The following AAGAB variants were observed in gnomAD, a reference collection of about 807,000 sequenced individuals.
AAGAB encodes the protein alpha and gamma adaptin binding protein.
A neutral mutation model predicts 44.1 loss-of-function variants in AAGAB; 38 were observed. The observed-to-expected ratio is 0.86, with a 90% CI of 0.67 to 1.13. The LOEUF is 1.13. AAGAB is among the 50% of genes most tolerant of loss of function. The probability of loss-of-function intolerance (pLI) is 0.00; values close to 1 mark genes in which losing one functional copy is unlikely to be tolerated. For synonymous variants in AAGAB, 131 were observed against 131.8 expected (o/e 0.99, Z 0.04); for missense variants, 450 against 373.8 (o/e 1.20, Z -1.68).
At chr15:67,214,243 T>G (rs1391667978) in intron 5 of AAGAB, among the ~76,000 whole-genome samples, 1 of 152,232 alleles carries the variant, frequency 6.6e-6, no homozygotes. Context: ...GACTGTGATT[T>G]TCACTGAAGT....
In AAGAB at chr15:67,254,637, C is replaced by T. The variant is rs753539938; in HGVS notation, c.-6G>A. 46 of 1,585,518 alleles carry T rather than the reference C, an allele frequency of 2.9e-5. No individual in the cohort carries two copies. The highest frequency in any genetic ancestry group is 2.1e-4 in the Middle Eastern group (1 of 4,808). On this transcript the variant is annotated 5_prime_UTR_variant, in exon 1 of 10. Transcript: ENST00000261880. ...CAGGGTACGCCAGCAGCCATAGCTG[C>T]GCTCGCGAGCCGGTTCCGTCAGGCA...
intron 1 of AAGAB, among the ~76,000 whole-genome samples, chr15:67,242,283 C>T (rs1184816140): frequency 3.0e-5 from 4 of 132,046 alleles, no homozygotes; most frequent in Non-Finnish European, 4.9e-5. Context: ...ATTAGCCGGG[C>T]GCGGTGGCGG....
At chr15:67,222,242 G>GCACACACACACACACACACACACACACA (rs370826027) in intron 5 of AAGAB, among the ~76,000 whole-genome samples, 4 of 90,044 alleles carry the variant, frequency 4.4e-5, no homozygotes, top group Non-Finnish European at 6.9e-5. Flanking sequence ...GCGCGCGCGC[G>GCACACACACACACACACACACACACACA]CACACACACA....
rs1046128547 is a variant in AAGAB at position 67,204,045 on chromosome 15, T to C, written c.819A>G (p.Lys273=). The change falls in exon 8 of 10, where the codon AAA becomes AAG. Residue 273 remains lysine (K), a splice_region_variant and synonymous_variant. Coordinates refer to ENST00000261880, the MANE Select transcript of AAGAB (RefSeq NM_024666.5). Reference sequence around the variant, plus strand: ...ATTAGACACAATGGATCTGATTACCTTTCATTTCCTTTAACTTTGAAAAGA... The same window carrying C: ...ATTAGACACAATGGATCTGATTACCCTTCATTTCCTTTAACTTTGAAAAGA... ...ERLFSKLKEM[K]DKAATLPHEQ... 6.3e-7 allele frequency: 1 copy of C among 1,577,468 alleles called. No individual in the cohort carries two copies. The highest frequency in any genetic ancestry group is 2.2e-5 in the East Asian group (1 of 44,680).
In AAGAB at chr15:67,203,577, G is replaced by A. The variant is rs1963617312; in HGVS notation, c.841C>T (p.His281Tyr). ...EMKDKAATLP[H>Y]EQRKVHAEKV... is the part of the protein sequence containing the mutation. The stretch of plus-strand genomic sequence containing the variant: ...TCTGCATGCACTTTTCTTTGCTCAT[G>A]AGGAAGCGTCGCAGCCTTGTCTAGG... The change falls in exon 9 of 10, where the codon CAT becomes TAT. Residue 281 changes from histidine to tyrosine, a missense_variant. Physicochemically the swap from His to Tyr is moderately conservative, Grantham distance 83. Transcript: ENST00000261880. 1 of 1,613,562 alleles carries A rather than the reference G, an allele frequency of 6.2e-7. No homozygotes were observed. The highest frequency in any genetic ancestry group is 1.7e-5 in the Admixed American group (1 of 60,000).
At chr15:67,247,099 A>G (rs2140396481) in intron 1 of AAGAB, among the ~76,000 whole-genome samples, 1 of 152,190 alleles carries the variant, frequency 6.6e-6, no homozygotes, top group Admixed American at 6.5e-5. Flanking sequence ...AGGAACAAAC[A>G]ACTCCGGACA....
intron 1 of AAGAB, 41 bp downstream of exon 1, chr15:67,254,518 T>C (rs1469482160): frequency 6.4e-7 from 1 of 1,566,512 alleles, no homozygotes; most frequent in Non-Finnish European, 8.7e-7. Context: ...CCGCTGAGGC[T>C]CAGGGGCCTT....
At chr15:67,213,778 G>C (rs1013705173) in intron 5 of AAGAB, among the ~76,000 whole-genome samples, 1 of 152,156 alleles carries the variant, frequency 6.6e-6, no homozygotes, top group Non-Finnish European at 1.5e-5. Context: ...GTTAGTAATA[G>C]ATAACATTTA....
intron 1 of AAGAB, among the ~76,000 whole-genome samples, chr15:67,253,767 AAAG>A (rs1964969937): frequency 6.6e-6 from 1 of 151,828 alleles, no homozygotes; most frequent in African/African-American, 2.4e-5. Flanking sequence ...AAAAAAAAAA[AAAG>A]AAAAGAAGGA....
chr15:67,223,892 T>C (rs1203570989), intron 5 of AAGAB, among the ~76,000 whole-genome samples: 1 of 152,248 alleles, frequency 6.6e-6, no homozygotes, highest in Non-Finnish European at 1.5e-5. Flanking sequence ...GCCTTTGCTA[T>C]AGCTGTTCCC....
chr15:67,232,531 A>C (rs540467444), intron 4 of AAGAB: 125 of 381,862 alleles, frequency 3.3e-4, no homozygotes, highest in Non-Finnish European at 5.5e-4. Flanking sequence ...GATGTCCTTC[A>C]CCCCGGGAAG....
At position 67,235,972 on chromosome 15, in the gene AAGAB, CACTT is replaced by C. The variant is rs748785284; in HGVS notation, c.451+3_451+6del. 20 of 1,589,086 alleles carry C rather than the reference CACTT, an allele frequency of 1.3e-5. No individual in the cohort carries two copies. Among genetic ancestry groups the C allele is most frequent in the Admixed American group, 1.7e-5 (1 of 58,644 alleles). On this transcript the variant is annotated splice_donor_5th_base_variant and intron_variant, in intron 4 of 9. Transcript: ENST00000261880. ...GCCATATTTTCTCCTAACACATAAA[CACTT>C]ACCATCCTCCTCAGGCAACTCCTCT... is the stretch of plus-strand genomic sequence containing the variant.
chr15:67,216,224 A>T (rs1963941271), intron 5 of AAGAB, among the ~76,000 whole-genome samples: 1 of 152,034 alleles, frequency 6.6e-6, no homozygotes, highest in Admixed American at 6.6e-5. Flanking sequence ...CAGGAGGATC[A>T]CGAGGCCAAG....
Position 67,202,525 on chromosome 15 carries a change from T to C in AAGAB, c.*296A>G. ...GCCTGGAGGTTGTCTTCAACTTGAG[T>C]AAATCACACAGACCTCTGAGATTTA... On this transcript the variant is annotated 3_prime_UTR_variant, in exon 10 of 10. Transcript: ENST00000261880. The C allele has an allele frequency of 3.1e-6, 1 of 319,984 alleles. No individual in the cohort carries two copies. The highest frequency in any genetic ancestry group is 5.8e-6 in the Non-Finnish European group (1 of 172,832). The allele number at this position is 319,984 out of a possible 1,614,324, so 19.8% of individuals were successfully genotyped here. A position where few individuals can be genotyped will look rare whatever the true frequency, so the allele number is the denominator to read the frequency against.
chr15:67,217,772 G>A (rs1209418393), intron 5 of AAGAB, among the ~76,000 whole-genome samples: 6 of 152,050 alleles, frequency 3.9e-5, no homozygotes, highest in Non-Finnish European at 7.4e-5. Flanking sequence ...TCCTGACCTC[G>A]TGATCCACCC....
intron 8 of AAGAB, 59 bp downstream of exon 8, chr15:67,203,985 C>G (rs564451900): frequency 9.6e-7 from 1 of 1,041,254 alleles, no homozygotes; most frequent in South Asian, 1.5e-5. Context: ...TAAAATGCTA[C>G]TACGTAAAAC....
intron 5 of AAGAB, 135 bp from the exon 6 acceptor site, chr15:67,209,679 G>T: frequency 8.6e-6 from 6 of 699,440 alleles, no homozygotes; most frequent in South Asian, 5.6e-5. Context: ...TTGAGACAGG[G>T]TCTCACTCTG....
intron 7 of AAGAB, among the ~76,000 whole-genome samples, chr15:67,207,170 C>G (rs1963704309): frequency 6.6e-6 from 1 of 152,164 alleles, no homozygotes; most frequent in Non-Finnish European, 1.5e-5. Flanking sequence ...CCCTGGGCAA[C>G]AAGAGCGAAA....
chr15:67,217,345 T>C (rs931027011), intron 5 of AAGAB, among the ~76,000 whole-genome samples: 14 of 152,230 alleles, frequency 9.2e-5, no homozygotes, highest in African/African-American at 3.4e-4. Flanking sequence ...AAGACAGACC[T>C]GATTAGAACT....
Sources: gnomAD v4.1 joint callset for allele counts (sites outside exome capture counted in the v4.1 genomes callset) on GRCh38, gnomAD v4.1.1 for gene constraint, MANE v1.5 for transcripts, NCBI Gene and HGNC (gene_info 2026-07-23, HGNC 2026-07-21) for gene names.